Variants in NOX4 observed in about 807,000 individuals in gnomAD.
NOX4 encodes the protein NADPH oxidase 4.
In NOX4, 69 loss-of-function variants were observed where a neutral mutation model predicts 87.6. The observed-to-expected ratio is 0.79, with a 90% CI of 0.65 to 0.96. The LOEUF is 0.96. NOX4 is among the 40% of genes least tolerant of loss of function. NOX4 has a pLI of 0.00. For synonymous variants in NOX4, 275 were observed against 238.2 expected (o/e 1.15, Z -1.42); for missense variants, 680 against 681.5 (o/e 1.00, Z 0.02).
chr11:89,585,668 T>C, the NOX4 span, among the ~76,000 whole-genome samples: 1 of 152,174 alleles, frequency 6.6e-6, no homozygotes, highest in African/African-American at 2.4e-5. Flanking sequence ...GATCAGCCCC[T>C]GCTTTACAGT....
the NOX4 span, among the ~76,000 whole-genome samples, chr11:89,567,326 C>G: frequency 6.6e-6 from 1 of 152,128 alleles, no homozygotes. Flanking sequence ...CAGCAGCCTC[C>G]TACCACTGCT....
At chr11:89,436,835 A>G (rs1242511721) in intron 6 of NOX4, among the ~76,000 whole-genome samples, 5 of 152,154 alleles carry the variant, frequency 3.3e-5, no homozygotes, top group Admixed American at 3.3e-4. Context: ...AAATAATTCA[A>G]TCTATTAATC....
chr11:89,449,440 C>A lies in NOX4; in HGVS notation c.349G>T (p.Gly117Cys). Reference sequence around the variant, plus strand: ...ATTTAATATCTTGTGGCTTTCTCACCTGAGAAAATACAGATAGTAACACCA... The same window carrying A: ...ATTTAATATCTTGTGGCTTTCTCACATGAGAAAATACAGATAGTAACACCA... ...TCGVTICIFS[G>C]VHVAAHLVNA... Residue 117 changes from glycine (G) to cysteine (C), a missense_variant and splice_region_variant, in exon 4 of 18, where the codon GGC (glycine) becomes TGC (cysteine). By Grantham distance (159) the Gly-to-Cys change is radical. Transcript: ENST00000263317. 2.5e-6 allele frequency: 4 copies of A among 1,588,416 alleles called. No homozygotes were observed. Among genetic ancestry groups the A allele is most frequent in the Non-Finnish European group, 3.4e-6 (4 of 1,163,992 alleles).
intron 2 of NOX4, among the ~76,000 whole-genome samples, chr11:89,467,070 C>G (rs547529442): frequency 6.6e-6 from 1 of 151,950 alleles, no homozygotes; most frequent in Non-Finnish European, 1.5e-5. Flanking sequence ...CTTTATCGGC[C>G]GGGCACGGTG....
At chr11:89,587,330 C>T in the NOX4 span, among the ~76,000 whole-genome samples, 1 of 152,118 alleles carries the variant, frequency 6.6e-6, no homozygotes, top group Admixed American at 6.6e-5. Flanking sequence ...AGATGGAAAA[C>T]ATTTTTTGTA....
At chr11:89,406,939 G>A (rs1455442765) in intron 8 of NOX4, among the ~76,000 whole-genome samples, 1 of 152,080 alleles carries the variant, frequency 6.6e-6, no homozygotes, top group African/African-American at 2.4e-5. Flanking sequence ...GCTGAAGGAT[G>A]TAGAGATTCC....
intron 2 of NOX4, among the ~76,000 whole-genome samples, chr11:89,461,820 T>C (rs1022923194): frequency 2.0e-5 from 3 of 152,098 alleles, no homozygotes; most frequent in Non-Finnish European, 2.9e-5. Context: ...TTTCAAGTTA[T>C]GGAAAAATTA....
chr11:89,545,422 C>G, the NOX4 span: 3 of 152,170 alleles, frequency 2.0e-5, no homozygotes, highest in South Asian at 4.1e-4. Context: ...AATAACATTT[C>G]TAACCTCTGC....
chr11:89,521,794 C>T, the NOX4 span, among the ~76,000 whole-genome samples: 1 of 152,068 alleles, frequency 6.6e-6, no homozygotes. Flanking sequence ...CAACAAAAGT[C>T]TAATATCCAG....
upstream of NOX4, among the ~76,000 whole-genome samples, chr11:89,491,836 A>G (rs1158009050): frequency 6.6e-6 from 1 of 151,932 alleles, no homozygotes; most frequent in East Asian, 1.9e-4. Flanking sequence ...CTTGGTAACG[A>G]AATTTGAGCC....
intron 8 of NOX4, among the ~76,000 whole-genome samples, chr11:89,405,789 G>A (rs1942143174): frequency 6.6e-6 from 1 of 151,240 alleles, no homozygotes; most frequent in Non-Finnish European, 1.5e-5. Flanking sequence ...AAGATTAGTG[G>A]CCTTAGATTG....
In NOX4 at chr11:89,438,809, TTA is replaced by T. The variant is rs1466934252; in HGVS notation, c.475+1877_475+1878del. On this transcript the variant is annotated intron_variant, in intron 6 of 17. Transcript: ENST00000263317. ...TATATAGTGTATAATATATTATATATTATATATATTATATAATATCTTATATA... is the reference window on the plus strand; with the variant it reads ...TATATAGTGTATAATATATTATATATTATATATTATATAATATCTTATATA... 6.5e-3 allele frequency among the ~76,000 whole-genome samples: 156 copies of T among 24,130 alleles called. 6 individuals are homozygous for T. Among genetic ancestry groups the T allele is most frequent in the African/African-American group, 0.05 (82 of 1,632 alleles). The allele number at this position is 24,130 out of a possible 152,430, so 15.8% of individuals were successfully genotyped here. A position where few individuals can be genotyped will look rare whatever the true frequency, so the allele number is the denominator to read the frequency against.
At chr11:89,453,345 T>G (rs1945051222) in intron 2 of NOX4, among the ~76,000 whole-genome samples, 1 of 152,208 alleles carries the variant, frequency 6.6e-6, no homozygotes, top group African/African-American at 2.4e-5. Context: ...CATAACATCC[T>G]CTAGATAATC....
intron 2 of NOX4, 84 bp downstream of exon 2, chr11:89,490,374 A>T: frequency 1.1e-6 from 1 of 907,238 alleles, no homozygotes; most frequent in African/African-American, 1.7e-5. Flanking sequence ...ACATTTCTTT[A>T]ATGAATGGAA....
intron 12 of NOX4, among the ~76,000 whole-genome samples, chr11:89,368,622 G>A (rs540635587): frequency 6.6e-6 from 1 of 152,026 alleles, no homozygotes; most frequent in Non-Finnish European, 1.5e-5. Flanking sequence ...ATCCATGAGG[G>A]CTTTATTCTC....
chr11:89,342,522 A>T (rs903543006), intron 13 of NOX4, among the ~76,000 whole-genome samples: 3 of 152,178 alleles, frequency 2.0e-5, no homozygotes, highest in Admixed American at 2.0e-4. Context: ...ATATAGTCAT[A>T]TATTAGACTA....
At chr11:89,380,730 G>A (rs564008386) in intron 11 of NOX4, among the ~76,000 whole-genome samples, 1 of 152,180 alleles carries the variant, frequency 6.6e-6, no homozygotes, top group East Asian at 1.9e-4. Flanking sequence ...GTTAGATGAT[G>A]TTTACATCTC....
chr11:89,337,201 G>A (rs2135376647), intron 16 of NOX4, among the ~76,000 whole-genome samples: 1 of 151,994 alleles, frequency 6.6e-6, no homozygotes, highest in African/African-American at 2.4e-5. Context: ...AATTTTAGAA[G>A]AACTTGAGGC....
At chr11:89,446,408 C>T (rs1385145651) in intron 4 of NOX4, among the ~76,000 whole-genome samples, 4 of 151,920 alleles carry the variant, frequency 2.6e-5, no homozygotes, top group African/African-American at 4.8e-5. Flanking sequence ...CAAAAACAGG[C>T]ACATTAATGT....
Sources: gnomAD v4.1 joint callset for allele counts (sites outside exome capture counted in the v4.1 genomes callset) on GRCh38, gnomAD v4.1.1 for gene constraint, MANE v1.5 for transcripts, NCBI Gene and HGNC (gene_info 2026-07-23, HGNC 2026-07-21) for gene names.